The following PAK2 variants were observed in gnomAD, a reference collection of about 807,000 sequenced individuals.
PAK2 encodes the protein serine/threonine-protein kinase PAK 2.
Under a neutral mutation model 65.9 loss-of-function variants are expected in PAK2, and 21 were observed. The ratio of observed to expected loss-of-function variants is 0.32; its 90% CI spans 0.23 to 0.46. The LOEUF (loss-of-function observed/expected upper bound fraction) is 0.46, where lower values mean the gene tolerates loss of function less well. Among genes scored for constraint, PAK2 ranks in the 20% least tolerant of loss-of-function variants. The pLI, the probability that PAK2 is intolerant of heterozygous loss-of-function variation, is 1.00. For missense variants in PAK2, 324 were observed against 642.6 expected (o/e 0.50, Z 5.36); for synonymous variants, 204 against 219.7 (o/e 0.93, Z 0.63).
chr3:196,784,052 C>T (rs1714802071), intron 2 of PAK2, among the ~76,000 whole-genome samples: 1 of 152,094 alleles, frequency 6.6e-6, no homozygotes. Context: ...GGCAAAGCTT[C>T]TCAAACTTCA....
chr3:196,827,309 G>A lies in PAK2; in HGVS notation c.1464G>A (p.Arg488=), dbSNP rs750036328. The A allele has an allele frequency of 1.3e-5, 21 of 1,609,210 alleles. 1 individual carries two copies. Among genetic ancestry groups the A allele is most frequent in the Admixed American group, 5.1e-5 (3 of 58,658 alleles). ...NRCLEMDVEK[R]GSAKELLQHP... is the part of the protein sequence containing the mutation. ...GTTTGGAAATGGATGTGGAAAAAAG[G>A]GGTTCAGCCAAAGAATTATTACAGG... The change falls in exon 14 of 15, where the codon AGG becomes AGA. Residue 488 remains arginine (R), a synonymous_variant. Coordinates refer to ENST00000327134, the MANE Select transcript of PAK2 (RefSeq NM_002577.4).
intron 2 of PAK2, among the ~76,000 whole-genome samples, chr3:196,795,187 G>A (rs1172855760): frequency 6.6e-6 from 1 of 152,010 alleles, no homozygotes; most frequent in African/African-American, 2.4e-5. Flanking sequence ...TGGGCACAGT[G>A]GCTCATGCCT....
intron 1 of PAK2, among the ~76,000 whole-genome samples, chr3:196,759,514 T>TG (rs1560092878): frequency 9.7e-6 from 1 of 103,058 alleles, no homozygotes; most frequent in African/African-American, 3.2e-5. Context: ...TTTTTTTTTT[T>TG]TTTTTTTTTT....
At chr3:196,764,765 C>T (rs577517887) in intron 1 of PAK2, among the ~76,000 whole-genome samples, 4 of 151,920 alleles carry the variant, frequency 2.6e-5, no homozygotes, top group South Asian at 2.1e-4. Context: ...GCAGTCCTCC[C>T]GCCTCACCCT....
chr3:196,745,529 T>C (rs1713346267), intron 1 of PAK2, among the ~76,000 whole-genome samples: 1 of 152,240 alleles, frequency 6.6e-6, no homozygotes, highest in East Asian at 1.9e-4. Flanking sequence ...TATAAAAATA[T>C]TTGGCCGGGT....
chr3:196,750,617 A>T (rs919462577), intron 1 of PAK2, among the ~76,000 whole-genome samples: 25 of 152,068 alleles, frequency 1.6e-4, no homozygotes, highest in African/African-American at 5.8e-4. Flanking sequence ...ATTATTCAAC[A>T]TTATCTTTCC....
intron 2 of PAK2, among the ~76,000 whole-genome samples, chr3:196,788,613 C>G (rs1714972408): frequency 1.3e-5 from 2 of 152,140 alleles, no homozygotes; most frequent in Non-Finnish European, 2.9e-5. Flanking sequence ...AATCTCAAAC[C>G]ATGGTATAGA....
intron 2 of PAK2, among the ~76,000 whole-genome samples, chr3:196,795,619 A>T (rs943317799): frequency 6.6e-6 from 1 of 152,216 alleles, no homozygotes; most frequent in African/African-American, 2.4e-5. Context: ...AAGACAAGGG[A>T]CAACATCTTT....
chr3:196,811,935 C>T (rs1031036207), intron 8 of PAK2, among the ~76,000 whole-genome samples: 1 of 152,042 alleles, frequency 6.6e-6, no homozygotes, highest in Non-Finnish European at 1.5e-5. Context: ...GTATCTTAAT[C>T]AGGGAAGTGT....
Position 196,806,605 on chromosome 3 carries a change from C to G in PAK2, c.495C>G (p.Pro165=). Residue 165 remains proline (P), a synonymous_variant, in exon 6 of 15, where the codon CCC becomes CCG. Transcript: ENST00000327134. ...TGAATGCCAAGGGAACAGAAGCACC[C>G]GCAGTAGTGACAGAGGAGGAGGATG... ...PALNAKGTEA[P]AVVTEEEDDD... The G allele has an allele frequency of 1.2e-6, 2 of 1,612,298 alleles. No homozygotes were observed. Among genetic ancestry groups the G allele is most frequent in the Non-Finnish European group, 8.5e-7 (1 of 1,178,480 alleles).
At chr3:196,788,312 G>A (rs748989618) in intron 2 of PAK2, among the ~76,000 whole-genome samples, 1 of 152,070 alleles carries the variant, frequency 6.6e-6, no homozygotes, top group Non-Finnish European at 1.5e-5. Context: ...GCCTGATCTA[G>A]AGATAATTCA....
intron 12 of PAK2, among the ~76,000 whole-genome samples, chr3:196,819,800 G>A (rs1711592560): frequency 6.6e-6 from 1 of 152,174 alleles, no homozygotes; most frequent in Non-Finnish European, 1.5e-5. Flanking sequence ...TCTCTGCTGA[G>A]ATGATGGATG....
chr3:196,774,666 G>C (rs1172228763), intron 1 of PAK2, among the ~76,000 whole-genome samples: 1 of 152,234 alleles, frequency 6.6e-6, no homozygotes, highest in Non-Finnish European at 1.5e-5. Context: ...CAGCAGTTCA[G>C]AGTTCAGTGG....
intron 11 of PAK2, 49 bp from the exon 12 acceptor site, chr3:196,818,008 G>C: frequency 1.3e-6 from 1 of 790,862 alleles, no homozygotes; most frequent in South Asian, 1.4e-5. Context: ...GTGCCTCCCT[G>C]TGTCTTTTCA....
At chr3:196,795,948 G>A (rs989334292) in intron 2 of PAK2, among the ~76,000 whole-genome samples, 3 of 152,176 alleles carry the variant, frequency 2.0e-5, no homozygotes, top group Non-Finnish European at 2.9e-5. Flanking sequence ...GAATGGTTTC[G>A]AGATGAAACT....
chr3:196,765,338 C>T (rs900573112), intron 1 of PAK2, among the ~76,000 whole-genome samples: 38 of 152,072 alleles, frequency 2.5e-4, no homozygotes, highest in Non-Finnish European at 3.8e-4. Context: ...TTAGTAGAGA[C>T]GGGGTTTTGC....
intron 1 of PAK2, among the ~76,000 whole-genome samples, chr3:196,770,708 C>T (rs983646735): frequency 1.4e-5 from 2 of 140,556 alleles, no homozygotes; most frequent in Non-Finnish European, 3.2e-5. Context: ...CTGTAATCTC[C>T]GCCTCCCGGG....
At position 196,778,238 on chromosome 3, in the gene PAK2, G is replaced by A. The variant is rs556138723; in HGVS notation, c.-21-4388G>A. ...AGCGTGTATCGGTACTTCTTTTTGC[G>A]GCCAAACAATATTCCATCTTATGGA... On this transcript the variant is annotated intron_variant, in intron 1 of 14. Transcript: ENST00000327134. Among the ~76,000 whole-genome samples the A allele has an allele frequency of 2.4e-4, 36 of 152,044 alleles. No homozygotes were observed. The South Asian group carries it at 4.2e-3, about 18-fold the overall frequency.
intron 1 of PAK2, among the ~76,000 whole-genome samples, chr3:196,752,090 C>T (rs577923256): frequency 2.0e-5 from 3 of 152,170 alleles, no homozygotes; most frequent in East Asian, 3.9e-4. Context: ...CAACATATCT[C>T]ATTATGTGTA....
Sources: allele counts gnomAD v4.1 joint callset (sites outside exome capture counted in the v4.1 genomes callset), GRCh38; gene constraint gnomAD v4.1.1; transcripts MANE v1.5; gene names NCBI Gene and HGNC (gene_info 2026-07-23, HGNC 2026-07-21).